TENM1: variants seen among roughly 807,000 people sequenced by gnomAD.
The protein encoded by TENM1 is teneurin transmembrane protein 1.
A neutral mutation model predicts 174.8 loss-of-function variants in TENM1; 35 were observed. The observed-to-expected ratio is 0.20, with a 90% confidence interval of 0.15 to 0.27. TENM1 has a LOEUF of 0.27. Ranked by LOEUF, TENM1 falls within the 10% of genes least tolerant of loss-of-function variation. The pLI is 1.00. For synonymous variants in TENM1, 781 were observed against 798.7 expected, an observed-to-expected ratio of 0.98 and a Z score of 0.37; for missense variants, 1,633 against 2,130.1, an observed-to-expected ratio of 0.77 and a Z score of 4.59.
In TENM1 at chrX:124,378,833, A is replaced by T. The variant is rs1236168198; in HGVS notation, c.*1703T>A. On this transcript the variant is annotated 3_prime_UTR_variant, in exon 32 of 32. Coordinates refer to ENST00000422452, the Ensembl canonical transcript of TENM1. ...ATATTTTCAAAGAAACTGTCATCGC[A>T]AAGCAAGGCAATGACCCCACACTGC... 4.5e-5 allele frequency: 5 copies of T among 112,327 alleles called. No individual in the cohort carries two copies. In the Admixed American group the frequency reaches 4.7e-4, roughly 11 times the overall value. The allele number at this position is 112,327 out of a possible 1,213,427, so 9.3% of individuals were successfully genotyped here.
chrX:124,502,675 T>C (rs892745730), intron 19 of TENM1, among the ~76,000 whole-genome samples: 1 of 111,843 alleles, frequency 8.9e-6, no homozygotes, highest in African/African-American at 3.2e-5. Context: ...AAAAATAAAC[T>C]GTTTGATATG....
At chrX:124,427,381 T>G (rs1443362182) in intron 23 of TENM1, among the ~76,000 whole-genome samples, 1 of 112,502 alleles carries the variant, frequency 8.9e-6, no homozygotes, top group Non-Finnish European at 1.9e-5. Context: ...TTTATTATAT[T>G]TAATTTTGCC....
At chrX:124,919,007 T>C (rs977375084) in intron 1 of TENM1, among the ~76,000 whole-genome samples, 4 of 112,130 alleles carry the variant, frequency 3.6e-5, no homozygotes, top group African/African-American at 1.3e-4. Context: ...ATTCTTTGCA[T>C]AGAAAGCCAT....
intron 3 of TENM1, among the ~76,000 whole-genome samples, chrX:124,774,105 CTG>C (rs1335317360): frequency 9.0e-6 from 1 of 111,675 alleles, no homozygotes; most frequent in East Asian, 2.8e-4. Context: ...TGTTTAGAGA[CTG>C]TAAAAAATGC....
At chrX:124,911,708 A>C (rs1186273104) in intron 1 of TENM1, among the ~76,000 whole-genome samples, 1 of 111,784 alleles carries the variant, frequency 8.9e-6, no homozygotes, top group East Asian at 2.8e-4. Flanking sequence ...AGAACCAGTA[A>C]AGTGGGATGG....
At chrX:124,576,541 G>T (rs1365996887) in intron 11 of TENM1, among the ~76,000 whole-genome samples, 1 of 111,773 alleles carries the variant, frequency 8.9e-6, no homozygotes, top group Non-Finnish European at 1.9e-5. Flanking sequence ...GCCTCACAGA[G>T]GCATGAAATG....
intron 1 of TENM1, among the ~76,000 whole-genome samples, chrX:124,896,911 T>C (rs1285803710): frequency 8.9e-6 from 1 of 111,912 alleles, no homozygotes; most frequent in Non-Finnish European, 1.9e-5. Flanking sequence ...ACCTTGGCAG[T>C]GGTTCATGGA....
intron 3 of TENM1, among the ~76,000 whole-genome samples, chrX:124,838,645 T>C (rs2056437492): frequency 9.0e-6 from 1 of 111,145 alleles, no homozygotes; most frequent in African/African-American, 3.3e-5. Context: ...TCCCACCTGT[T>C]ACGCAAGGCA....
chrX:124,963,172 A>G lies in TENM1; in HGVS notation c.217+365T>C, dbSNP rs1029433067. On this transcript the variant is annotated intron_variant, in intron 1 of 31. Coordinates refer to ENST00000422452, the Ensembl canonical transcript of TENM1. ...ACCTGCTAGCTTTGTCAGCAGCCAA[A>G]TATTTATTTGAGACTTCTGTCCCAT... 1.1e-4 allele frequency among the ~76,000 whole-genome samples: 12 copies of G among 112,513 alleles called. 1 individual carries two copies. The Admixed American group carries it at 1.1e-3, about 11-fold the overall frequency.
At chrX:124,946,202 G>A (rs781548145) in intron 1 of TENM1, among the ~76,000 whole-genome samples, 21 of 111,601 alleles carry the variant, frequency 1.9e-4, no homozygotes, top group Non-Finnish European at 3.4e-4. Flanking sequence ...GCTAGTAGGC[G>A]CAGCAATAGC....
At chrX:125,161,610 A>T in the TENM1 span, among the ~76,000 whole-genome samples, 1 of 111,979 alleles carries the variant, frequency 8.9e-6, no homozygotes, top group South Asian at 3.7e-4. Context: ...CAAAAAGTAC[A>T]CTAGTGTTTG....
At chrX:124,853,134 ATAAT>A (rs1340308837) in intron 3 of TENM1, among the ~76,000 whole-genome samples, 2 of 112,020 alleles carry the variant, frequency 1.8e-5, no homozygotes. Flanking sequence ...GAGAAGGCAG[ATAAT>A]TAATAAGAAA....
At chrX:124,995,403 T>C in the TENM1 span, among the ~76,000 whole-genome samples, 10 of 111,607 alleles carry the variant, frequency 9.0e-5, no homozygotes, top group Admixed American at 5.7e-4. Context: ...GTTCAATAAA[T>C]ATTAATTTAA....
chrX:124,843,958 TTCATTA>T (rs1436847109), intron 3 of TENM1, among the ~76,000 whole-genome samples: 1 of 111,977 alleles, frequency 8.9e-6, no homozygotes, highest in African/African-American at 3.2e-5. Flanking sequence ...CATTCAATGA[TTCATTA>T]TCATTAACAG....
chrX:124,566,263 T>C (rs2048939798), intron 11 of TENM1, among the ~76,000 whole-genome samples: 1 of 112,525 alleles, frequency 8.9e-6, no homozygotes, highest in African/African-American at 3.2e-5. Context: ...TTTGCATTTA[T>C]TTTAAGCATA....
intron 14 of TENM1, among the ~76,000 whole-genome samples, chrX:124,555,656 G>A (rs747683172): frequency 8.9e-6 from 1 of 111,754 alleles, no homozygotes; most frequent in Admixed American, 9.5e-5. Flanking sequence ...AAACTTGGGT[G>A]GAAGAATGAT....
the TENM1 span, among the ~76,000 whole-genome samples, chrX:125,123,928 A>C: frequency 3.5e-5 from 4 of 112,737 alleles, no homozygotes; most frequent in African/African-American, 1.3e-4. Flanking sequence ...GTAATGTAGA[A>C]GTTAAAAACA....
the TENM1 span, among the ~76,000 whole-genome samples, chrX:125,200,654 T>TGAGA: frequency 3.3e-3 from 306 of 92,352 alleles, 2 homozygotes; most frequent in African/African-American, 0.01. Flanking sequence ...TGTGTGTGTG[T>TGAGA]GAGAGAGAGA....
intron 6 of TENM1, among the ~76,000 whole-genome samples, chrX:124,662,813 A>G (rs2051646611): frequency 9.0e-6 from 1 of 111,481 alleles, no homozygotes; most frequent in South Asian, 3.7e-4. Flanking sequence ...TCTTATTTTT[A>G]TTTCTGTACA....
Sources: allele counts gnomAD v4.1 joint callset (sites outside exome capture counted in the v4.1 genomes callset), GRCh38; gene constraint gnomAD v4.1.1; transcripts MANE v1.5; gene names NCBI Gene and HGNC (gene_info 2026-07-23, HGNC 2026-07-21).